Variants in EXOC6 observed in about 807,000 individuals in gnomAD.
The protein encoded by EXOC6 is exocyst complex component 6.
Under a neutral mutation model 112.5 loss-of-function variants are expected in EXOC6, and 60 were observed. The ratio of observed to expected loss-of-function variants is 0.53; its 90% confidence interval spans 0.43 to 0.66. The LOEUF is 0.66. Ranked by LOEUF, EXOC6 falls within the 30% of genes least tolerant of loss-of-function variation. The pLI is 0.00. For synonymous variants in EXOC6, 295 were observed against 308.0 expected (o/e 0.96, Z 0.44); for missense variants, 855 against 957.1 (o/e 0.89, Z 1.41).
chr10:92,829,044 G>A (rs551339805), intron 1 of EXOC6, among the ~76,000 whole-genome samples: 90 of 152,232 alleles, frequency 5.9e-4, no homozygotes, highest in African/African-American at 1.9e-3. Flanking sequence ...AGAAGCTTGC[G>A]CGGGTAGAAT....
At chr10:92,949,612 G>A (rs1204847003) in intron 14 of EXOC6, among the ~76,000 whole-genome samples, 2 of 138,212 alleles carry the variant, frequency 1.4e-5, no homozygotes, top group Admixed American at 1.5e-4. Flanking sequence ...TTTTTTTTGA[G>A]ACGGAGTTTT....
chr10:92,838,510 A>G (rs1204653263), intron 1 of EXOC6, among the ~76,000 whole-genome samples: 1 of 152,184 alleles, frequency 6.6e-6, no homozygotes, highest in African/African-American at 2.4e-5. Context: ...GGCCCATAGC[A>G]TTAAGTTTGA....
chr10:92,976,658 T>TA (rs1008340177), intron 18 of EXOC6, among the ~76,000 whole-genome samples: 55 of 128,990 alleles, frequency 4.3e-4, no homozygotes, highest in Admixed American at 4.9e-4. Context: ...GAATGATCAG[T>TA]AAAAAAAAAA....
At chr10:92,829,273 G>A (rs150104639) in intron 1 of EXOC6, among the ~76,000 whole-genome samples, 95 of 152,190 alleles carry the variant, frequency 6.2e-4, no homozygotes, top group African/African-American at 2.2e-3. Context: ...CAATCTGTGC[G>A]CCCTATGCAA....
chr10:93,023,847 TTA>T (rs1844895836), intron 20 of EXOC6, among the ~76,000 whole-genome samples: 1 of 152,066 alleles, frequency 6.6e-6, no homozygotes, highest in Admixed American at 6.6e-5. Context: ...TTTTTATAAC[TTA>T]TTTTTTTAAT....
intron 12 of EXOC6, among the ~76,000 whole-genome samples, chr10:92,938,338 C>G (rs1460887821): frequency 6.6e-6 from 1 of 152,042 alleles, no homozygotes; most frequent in East Asian, 1.9e-4. Flanking sequence ...TCATTTCACT[C>G]AAAGCTGACA....
intron 4 of EXOC6, among the ~76,000 whole-genome samples, chr10:92,897,993 C>G (rs1201933611): frequency 1.3e-5 from 2 of 152,124 alleles, no homozygotes; most frequent in East Asian, 3.8e-4. Flanking sequence ...GGCAAAATAA[C>G]TTTCTACATT....
chr10:92,981,675 TATTAA>T (rs1034381848), intron 18 of EXOC6, among the ~76,000 whole-genome samples: 1 of 152,226 alleles, frequency 6.6e-6, no homozygotes, highest in African/African-American at 2.4e-5. Flanking sequence ...ACTCTGGGGA[TATTAA>T]ATTAGTAGAT....
chr10:92,859,872 A>G (rs1847823382), intron 1 of EXOC6, among the ~76,000 whole-genome samples: 1 of 151,260 alleles, frequency 6.6e-6, no homozygotes, highest in African/African-American at 2.4e-5. Context: ...TTGGAGGCAT[A>G]TAACCTCCCA....
At chr10:92,911,940 T>TGC (rs1850802032) in intron 6 of EXOC6, among the ~76,000 whole-genome samples, 1 of 12,746 alleles carries the variant, frequency 7.8e-5, no homozygotes, top group Non-Finnish European at 1.4e-4. Flanking sequence ...TCTGTGTGCG[T>TGC]GTGTGTGTGT....
chr10:92,887,964 TG>T (rs1321995627), intron 1 of EXOC6, among the ~76,000 whole-genome samples: 2 of 152,128 alleles, frequency 1.3e-5, no homozygotes, highest in African/African-American at 4.8e-5. Context: ...GGGTGACACG[TG>T]GGGGTATCAG....
At chr10:92,959,774 G>A (rs1853884195) in intron 17 of EXOC6, among the ~76,000 whole-genome samples, 1 of 152,150 alleles carries the variant, frequency 6.6e-6, no homozygotes, top group Admixed American at 6.5e-5. Context: ...CCATATATAT[G>A]TCATAAGGGA....
intron 19 of EXOC6, among the ~76,000 whole-genome samples, chr10:93,003,247 T>C (rs1843834188): frequency 6.6e-6 from 1 of 152,128 alleles, no homozygotes; most frequent in Non-Finnish European, 1.5e-5. Context: ...CCTCAAAATG[T>C]CAATCTGCAG....
chr10:92,861,553 C>A (rs1370189428), intron 1 of EXOC6, among the ~76,000 whole-genome samples: 2 of 152,026 alleles, frequency 1.3e-5, no homozygotes, highest in African/African-American at 4.8e-5. Flanking sequence ...TTAGCCTCTG[C>A]AACACAGTTG....
intron 18 of EXOC6, among the ~76,000 whole-genome samples, chr10:92,975,996 G>A (rs1174295048): frequency 1.4e-5 from 2 of 144,700 alleles, no homozygotes; most frequent in Non-Finnish European, 3.1e-5. Context: ...CCCCTACTGG[G>A]AAGTGAGGAG....
chr10:92,908,006 T>C (rs1850536534), intron 5 of EXOC6, among the ~76,000 whole-genome samples: 1 of 151,880 alleles, frequency 6.6e-6, no homozygotes, highest in Admixed American at 6.6e-5. Context: ...TCTTTGAGAG[T>C]ATATGCCAGA....
intron 20 of EXOC6, among the ~76,000 whole-genome samples, chr10:93,032,667 A>C (rs1845325146): frequency 6.6e-6 from 1 of 152,236 alleles, no homozygotes; most frequent in South Asian, 2.1e-4. Context: ...TGCAGAAGAC[A>C]GTGGTGAACA....
intron 14 of EXOC6, among the ~76,000 whole-genome samples, chr10:92,950,708 A>G (rs1853357306): frequency 6.6e-6 from 1 of 152,258 alleles, no homozygotes; most frequent in African/African-American, 2.4e-5. Context: ...TAATGGCCCT[A>G]CTAAACAGTG....
intron 1 of EXOC6, among the ~76,000 whole-genome samples, chr10:92,885,133 C>A (rs1849148653): frequency 6.6e-6 from 1 of 152,120 alleles, no homozygotes; most frequent in Non-Finnish European, 1.5e-5. Flanking sequence ...TGTTTAAATT[C>A]CCTAAAGCCA....
Sources: gnomAD v4.1 joint callset for allele counts (sites outside exome capture counted in the v4.1 genomes callset) on GRCh38, gnomAD v4.1.1 for gene constraint, MANE v1.5 for transcripts, NCBI Gene and HGNC (gene_info 2026-07-23, HGNC 2026-07-21) for gene names.